Variants in DISP1 observed in about 807,000 individuals in gnomAD.
The protein encoded by DISP1 is protein dispatched homolog 1.
In DISP1, 30 loss-of-function variants were observed where a neutral mutation model predicts 37.3. The observed-to-expected ratio is 0.80, with a 90% CI of 0.60 to 1.09. The LOEUF is 1.09. Ranked by LOEUF, DISP1 falls within the 50% of genes least tolerant of loss-of-function variation. The pLI is 0.00. For missense variants in DISP1, 1,598 were observed against 1,879.5 expected (o/e 0.85, Z 2.77); for synonymous variants, 634 against 690.2 (o/e 0.92, Z 1.28).
At chr1:222,912,001 G>T (rs1167468042) in intron 1 of DISP1, among the ~76,000 whole-genome samples, 1 of 152,192 alleles carries the variant, frequency 6.6e-6, no homozygotes, top group Non-Finnish European at 1.5e-5. Context: ...TTAAAGAATA[G>T]CAAGGAATTG....
chr1:222,996,634 ATAC>A (rs1679089609), intron 8 of DISP1, among the ~76,000 whole-genome samples: 1 of 152,194 alleles, frequency 6.6e-6, no homozygotes, highest in African/African-American at 2.4e-5. Flanking sequence ...AAATACTTTA[ATAC>A]ATTATTTCAT....
rs367942721 is a variant in DISP1 at position 222,847,490 on chromosome 1, A to G, written c.-159+32412A>G. ...AAAATGTGTATGTGCATATACACAC[A>G]GGAATATAGATAGTACACATATATC... On this transcript the variant is annotated intron_variant, in intron 1 of 8. Coordinates refer to ENST00000675850, the MANE Select transcript of DISP1 (RefSeq NM_001377229.1). 5.3e-5 allele frequency among the ~76,000 whole-genome samples: 8 copies of G among 152,358 alleles called. No homozygotes were observed. In the South Asian group the frequency reaches 8.3e-4, roughly 16 times the overall value.
At chr1:222,873,721 T>A (rs1163136312) in intron 1 of DISP1, among the ~76,000 whole-genome samples, 2 of 152,234 alleles carry the variant, frequency 1.3e-5, no homozygotes, top group Non-Finnish European at 2.9e-5. Flanking sequence ...GTCTTGACTC[T>A]TTTCCAATTT....
In DISP1 at chr1:223,002,853, G is replaced by C. The variant is rs775124500; in HGVS notation, c.1456G>C (p.Gly486Arg). Residue 486 changes from glycine to arginine, a missense_variant, in exon 9 of 9, where the codon GGG (glycine) becomes CGG (arginine). Physicochemically the swap from Gly to Arg is moderately radical, Grantham distance 125. Transcript: ENST00000675850. ...TTCTGACGGCGTGACTACCATCACC[G>C]GGATTGAGTTTGGTATCAAACACAG... Reference protein sequence around the residue: ...NSSDGVTTITGIEFGIKHSLF... With the variant: ...NSSDGVTTITRIEFGIKHSLF... 1 of 1,613,744 alleles carries C rather than the reference G, an allele frequency of 6.2e-7. No individual in the cohort carries two copies. Among genetic ancestry groups the C allele is most frequent in the Admixed American group, 1.7e-5 (1 of 60,004 alleles).
intron 7 of DISP1, among the ~76,000 whole-genome samples, chr1:222,992,887 G>GTTTTT (rs1678805138): frequency 4.8e-5 from 1 of 20,622 alleles, no homozygotes; most frequent in Non-Finnish European, 1.2e-4. Flanking sequence ...TTGAGACAGA[G>GTTTTT]TTTCGCTCTT....
At chr1:222,920,033 G>C (rs184170135) in intron 1 of DISP1, among the ~76,000 whole-genome samples, 4 of 152,204 alleles carry the variant, frequency 2.6e-5, no homozygotes, top group Admixed American at 6.5e-5. Flanking sequence ...TATTCCTACG[G>C]AGTCTAACTT....
intron 1 of DISP1, among the ~76,000 whole-genome samples, chr1:222,875,404 C>T (rs1162700843): frequency 6.6e-6 from 1 of 152,036 alleles, no homozygotes; most frequent in Non-Finnish European, 1.5e-5. Flanking sequence ...AGACATTAAA[C>T]TATAAAATAT....
chr1:223,004,357 C>T lies in DISP1; in HGVS notation c.2960C>T (p.Ala987Val). ...AGCCTCTCCGATGGCACCCTCATTG[C>T]CATGGGGCTGTCAGTTGCTGTTGCA... is the stretch of plus-strand genomic sequence containing the variant. ...QDSLSDGTLI[A>V]MGLSVAVAFS... The change falls in exon 9 of 9, where the codon GCC becomes GTC. Residue 987 changes from alanine (A) to valine (V), a missense_variant. Physicochemically the swap from Ala to Val is moderately conservative, Grantham distance 64. Transcript: ENST00000675850. This position sits in a 1 kb window ranked among gnomAD's most constrained non-coding sequence, Gnocchi z 4.9. 6.2e-7 allele frequency: 1 copy of T among 1,614,184 alleles called. No individual in the cohort carries two copies. The highest frequency in any genetic ancestry group is 8.5e-7 in the Non-Finnish European group (1 of 1,180,034).
At chr1:222,997,540 A>T (rs1679163635) in intron 8 of DISP1, among the ~76,000 whole-genome samples, 1 of 152,186 alleles carries the variant, frequency 6.6e-6, no homozygotes, top group Admixed American at 6.5e-5. Flanking sequence ...GCAAGAAAAC[A>T]TTACAGTAAA....
At chr1:222,953,945 T>C (rs1283971444) in intron 3 of DISP1, among the ~76,000 whole-genome samples, 1 of 152,204 alleles carries the variant, frequency 6.6e-6, no homozygotes, top group Non-Finnish European at 1.5e-5. Flanking sequence ...GCCTTCTTTA[T>C]TTTATAAAAC....
chr1:222,896,903 T>C (rs1198675775), intron 1 of DISP1, among the ~76,000 whole-genome samples: 1 of 152,194 alleles, frequency 6.6e-6, no homozygotes, highest in Non-Finnish European at 1.5e-5. Context: ...GGATTTCAAG[T>C]ATCAGAGAGA....
chr1:222,895,027 C>G (rs1307976227), intron 1 of DISP1, among the ~76,000 whole-genome samples: 2 of 152,298 alleles, frequency 1.3e-5, no homozygotes, highest in East Asian at 1.9e-4. Flanking sequence ...TAGGGACACC[C>G]TTTCTTCTTT....
intron 1 of DISP1, among the ~76,000 whole-genome samples, chr1:222,916,138 C>T (rs1263920345): frequency 6.6e-6 from 1 of 152,208 alleles, no homozygotes; most frequent in Non-Finnish European, 1.5e-5. Context: ...TTTTTCTTCT[C>T]TAAAATATTT....
At position 222,943,112 on chromosome 1, in the gene DISP1, C is replaced by T; in HGVS notation, c.289C>T (p.His97Tyr). The change falls in exon 3 of 9, where the codon CAC (histidine) becomes TAC (tyrosine). Residue 97 changes from histidine to tyrosine, a missense_variant. Transcript: ENST00000675850. ...TCACCCTTTGACTAGCCATAGCAGTCACCAAGAGTGCCATCCCGAGGCTGG... is the reference window on the plus strand; with the variant it reads ...TCACCCTTTGACTAGCCATAGCAGTTACCAAGAGTGCCATCCCGAGGCTGG... ...YHHPLTSHSS[H>Y]QECHPEAGPA... is the part of the protein sequence containing the mutation. 6.2e-7 allele frequency: 1 copy of T among 1,614,064 alleles called. No homozygotes were observed. Among genetic ancestry groups the T allele is most frequent in the Non-Finnish European group, 8.5e-7 (1 of 1,179,918 alleles).
At chr1:222,858,947 A>G (rs999153970) in intron 1 of DISP1, among the ~76,000 whole-genome samples, 1 of 152,174 alleles carries the variant, frequency 6.6e-6, no homozygotes, top group Non-Finnish European at 1.5e-5. Context: ...ATCTAGAACC[A>G]AAATATCATT....
At chr1:222,948,998 C>G (rs2609382) in intron 3 of DISP1, among the ~76,000 whole-genome samples, 26,943 of 151,968 alleles carry the variant, frequency 0.18, 2,478 homozygotes, top group South Asian at 0.33. Flanking sequence ...CTCTTTCATC[C>G]CCTCTTGATT....
At chr1:222,845,957 C>T (rs531750140) in intron 1 of DISP1, among the ~76,000 whole-genome samples, 1 of 152,182 alleles carries the variant, frequency 6.6e-6, no homozygotes, top group African/African-American at 2.4e-5. Flanking sequence ...TTCATTTTAC[C>T]AGTTATTTTT....
At chr1:222,963,346 T>C (rs1676204642) in intron 3 of DISP1, among the ~76,000 whole-genome samples, 1 of 152,210 alleles carries the variant, frequency 6.6e-6, no homozygotes, top group African/African-American at 2.4e-5. Context: ...AGTTCAACCA[T>C]TGTGGAAGAC....
intron 8 of DISP1, among the ~76,000 whole-genome samples, chr1:222,995,628 A>C (rs1465359585): frequency 6.6e-6 from 1 of 152,178 alleles, no homozygotes; most frequent in African/African-American, 2.4e-5. Context: ...CGCATCAGAA[A>C]ATGTAGTGAG....
Sources: allele counts gnomAD v4.1 joint callset (sites outside exome capture counted in the v4.1 genomes callset), GRCh38; gene constraint gnomAD v4.1.1; non-coding constraint Gnocchi (gnomAD v3.1); transcripts MANE v1.5; gene names NCBI Gene and HGNC (gene_info 2026-07-23, HGNC 2026-07-21).